LRMDA: variants seen among roughly 807,000 people sequenced by gnomAD.
LRMDA encodes the protein leucine rich melanocyte differentiation associated.
In LRMDA, 18 loss-of-function variants were observed where a neutral mutation model predicts 29.8. The observed-to-expected ratio is 0.60, with a 90% CI of 0.42 to 0.90. The LOEUF (loss-of-function observed/expected upper bound fraction) is 0.90. LRMDA is among the 40% of genes least tolerant of loss of function. The pLI is 0.00. For missense variants in LRMDA, 273 were observed against 273.9 expected, an observed-to-expected ratio of 1.00 and a Z score of 0.02; for synonymous variants, 125 against 109.4, an observed-to-expected ratio of 1.14 and a Z score of -0.89.
intron 5 of LRMDA, among the ~76,000 whole-genome samples, chr10:76,108,812 T>G (rs1202239758): frequency 6.6e-6 from 1 of 152,198 alleles, no homozygotes; most frequent in Non-Finnish European, 1.5e-5. Context: ...GCTGCTAAAT[T>G]TTGGAAATAC....
At chr10:75,896,841 T>TTGTGTGTGTGTGTG (rs35428137) in intron 2 of LRMDA, among the ~76,000 whole-genome samples, 632 of 147,532 alleles carry the variant, frequency 4.3e-3, no homozygotes, top group East Asian at 0.011. Flanking sequence ...GAGTGTGCAT[T>TTGTGTGTGTGTGTG]TGTGTGTGTG....
intron 2 of LRMDA, among the ~76,000 whole-genome samples, chr10:75,857,839 G>A (rs138439962): frequency 4.5e-4 from 69 of 152,280 alleles, no homozygotes; most frequent in South Asian, 8.3e-4. Flanking sequence ...TCTTTCAGAC[G>A]ATCTTCATTC....
intron 2 of LRMDA, among the ~76,000 whole-genome samples, chr10:75,627,262 T>C (rs1841262691): frequency 1.4e-5 from 2 of 146,824 alleles, no homozygotes; most frequent in African/African-American, 2.7e-5. Context: ...CACAGTGTGA[T>C]TTTTTATATT....
At chr10:75,894,461 C>T (rs943148478) in intron 2 of LRMDA, among the ~76,000 whole-genome samples, 4 of 152,174 alleles carry the variant, frequency 2.6e-5, no homozygotes, top group African/African-American at 9.7e-5. Context: ...CATGATTTTG[C>T]AATTGTGAAT....
At position 76,520,990 on chromosome 10, in the gene LRMDA, C is replaced by A. The variant is rs554088397; in HGVS notation, c.602-36219C>A. On this transcript the variant is annotated intron_variant, in intron 6 of 6. Transcript: ENST00000611255. ...AGAGACATATTTTCTATAATATTAA[C>A]TCCCTATTATGAATTATATATATTT... is the stretch of plus-strand genomic sequence containing the variant. 4.6e-5 allele frequency among the ~76,000 whole-genome samples: 7 copies of A among 152,142 alleles called. 1 individual carries two copies. Among genetic ancestry groups the A allele is most frequent in the African/African-American group, 1.4e-4 (6 of 41,530 alleles).
intron 5 of LRMDA, among the ~76,000 whole-genome samples, chr10:76,068,165 A>G (rs959077067): frequency 1.2e-4 from 18 of 152,242 alleles, no homozygotes; most frequent in Non-Finnish European, 2.2e-4. Flanking sequence ...AGTTCTGGCT[A>G]TTTCCAAACC....
rs569120715 is a variant in LRMDA at position 75,894,776 on chromosome 10, G to A, written c.132-141232G>A. ...CCAGAGACAACCAGAAGATCTAAGCGTTTCAGAGGCAAGAGGCAATGAAGA... is the reference window on the plus strand; with the variant it reads ...CCAGAGACAACCAGAAGATCTAAGCATTTCAGAGGCAAGAGGCAATGAAGA... On this transcript the variant is annotated intron_variant, in intron 2 of 6. Coordinates refer to ENST00000611255, the MANE Select transcript of LRMDA (RefSeq NM_001305581.2). Among the ~76,000 whole-genome samples, 12 of 152,234 alleles carry A rather than the reference G, an allele frequency of 7.9e-5. No individual in the cohort carries two copies. In the South Asian group the frequency reaches 2.1e-3, roughly 26 times the overall value.
intron 2 of LRMDA, among the ~76,000 whole-genome samples, chr10:75,799,991 T>G (rs1406698678): frequency 2.0e-5 from 3 of 152,194 alleles, no homozygotes; most frequent in Non-Finnish European, 4.4e-5. Flanking sequence ...TTTTCTCCTC[T>G]CATTTCTTCA....
intron 6 of LRMDA, among the ~76,000 whole-genome samples, chr10:76,427,118 T>C (rs1842135862): frequency 6.6e-6 from 1 of 152,170 alleles, no homozygotes; most frequent in African/African-American, 2.4e-5. Flanking sequence ...AACTTTAAAG[T>C]AGTTTTTTCC....
chr10:76,175,154 G>T (rs914497216), intron 5 of LRMDA, among the ~76,000 whole-genome samples: 1 of 152,134 alleles, frequency 6.6e-6, no homozygotes, highest in Non-Finnish European at 1.5e-5. Context: ...GAAGCTCAGA[G>T]GTGAGACACA....
At chr10:76,062,733 C>A (rs1848723594) in intron 5 of LRMDA, among the ~76,000 whole-genome samples, 1 of 150,190 alleles carries the variant, frequency 6.7e-6, no homozygotes, top group Admixed American at 6.7e-5. Context: ...TAGGCTTTGT[C>A]ATTTCCAAAA....
chr10:75,579,770 C>T (rs1347970522), intron 2 of LRMDA, among the ~76,000 whole-genome samples: 2 of 152,134 alleles, frequency 1.3e-5, no homozygotes, highest in African/African-American at 2.4e-5. Flanking sequence ...GTTCAACATA[C>T]GTGAATCAAT....
intron 5 of LRMDA, among the ~76,000 whole-genome samples, chr10:76,323,363 G>A (rs1840795063): frequency 6.6e-6 from 1 of 152,066 alleles, no homozygotes; most frequent in South Asian, 2.1e-4. Flanking sequence ...CTTTTAGAAG[G>A]GCAAATATAT....
chr10:76,379,137 G>A (rs914706195), intron 6 of LRMDA, among the ~76,000 whole-genome samples: 1 of 151,112 alleles, frequency 6.6e-6, no homozygotes, highest in Non-Finnish European at 1.5e-5. Flanking sequence ...GATTACAGGC[G>A]TGAGCCACTG....
chr10:75,619,785 AACTGTACTCTGGTCATAGCCAG>A (rs1841157351), intron 2 of LRMDA, among the ~76,000 whole-genome samples: 1 of 152,108 alleles, frequency 6.6e-6, no homozygotes. Flanking sequence ...GGCCTCTGCA[AACTGTACTCTGGTCATAGCCAG>A]ACTGCACTCT....
intron 2 of LRMDA, among the ~76,000 whole-genome samples, chr10:75,957,577 G>A (rs1038355822): frequency 2.6e-5 from 4 of 152,298 alleles, no homozygotes; most frequent in African/African-American, 4.8e-5. Flanking sequence ...TGTCAGAAAC[G>A]CCCTTCCTTG....
chr10:75,769,195 T>C (rs1014803254), intron 2 of LRMDA, among the ~76,000 whole-genome samples: 2 of 152,260 alleles, frequency 1.3e-5, no homozygotes, highest in Non-Finnish European at 2.9e-5. Flanking sequence ...ACCATCTTTG[T>C]ATGTGCAGTC....
intron 2 of LRMDA, among the ~76,000 whole-genome samples, chr10:75,992,837 C>G (rs1052327739): frequency 5.3e-5 from 8 of 152,144 alleles, no homozygotes; most frequent in African/African-American, 9.7e-5. Context: ...TTAACTATAG[C>G]CAGATAACAC....
intron 6 of LRMDA, among the ~76,000 whole-genome samples, chr10:76,412,087 C>A (rs1355539141): frequency 6.6e-6 from 1 of 152,188 alleles, no homozygotes; most frequent in East Asian, 1.9e-4. Flanking sequence ...AAATTTTGAA[C>A]ATTTCCCAAA....
Sources: gnomAD v4.1 joint callset for allele counts (sites outside exome capture counted in the v4.1 genomes callset) on GRCh38, gnomAD v4.1.1 for gene constraint, MANE v1.5 for transcripts, NCBI Gene and HGNC (gene_info 2026-07-23, HGNC 2026-07-21) for gene names.